GPALPP1: variants seen among roughly 807,000 people sequenced by gnomAD.
GPALPP1 encodes the protein GPALPP motifs-containing protein 1.
GPALPP1 carries 30 observed loss-of-function variants against 38.9 expected under a neutral mutation model. The observed-to-expected ratio is 0.77, with a 90% confidence interval of 0.58 to 1.05. The LOEUF (loss-of-function observed/expected upper bound fraction) is 1.05. Among genes scored for constraint, GPALPP1 ranks in the 50% least tolerant of loss-of-function variants. The pLI, the probability that GPALPP1 is intolerant of heterozygous loss-of-function variation, is 0.00. For missense variants in GPALPP1, 384 were observed against 408.8 expected (o/e 0.94, Z 0.52); for synonymous variants, 120 against 139.2 (o/e 0.86, Z 0.97).
At chr13:45,025,177 T>C (rs1875749186) in intron 7 of GPALPP1, among the ~76,000 whole-genome samples, 1 of 152,188 alleles carries the variant, frequency 6.6e-6, no homozygotes, top group African/African-American at 2.4e-5. Context: ...TTACCATCAA[T>C]TGTGTTTTTT....
intron 6 of GPALPP1, among the ~76,000 whole-genome samples, chr13:45,018,940 TATAA>T (rs1875084295): frequency 1.5e-5 from 2 of 135,990 alleles, no homozygotes; most frequent in Non-Finnish European, 3.0e-5. Flanking sequence ...AATATATACA[TATAA>T]ATATATATAC....
In GPALPP1 at chr13:44,989,853, G is replaced by A; in HGVS notation, c.88+111G>A. 1.0e-5 allele frequency: 8 copies of A among 776,198 alleles called. No homozygotes were observed. In the South Asian group the frequency reaches 1.1e-4, roughly 11 times the overall value. 48.1% of individuals were successfully genotyped at this position (776,198 alleles called of 1,614,324 possible). A position where few individuals can be genotyped will look rare whatever the true frequency, so the allele number is the denominator to read the frequency against. The stretch of plus-strand genomic sequence containing the variant: ...AGGAGGGCGGAGGAGTGGGGAGTGG[G>A]CGCGGCCTGACCCGAGAGAACTTTT... On this transcript the variant is annotated intron_variant, in intron 1 of 7. Transcript: ENST00000379151.
chr13:45,027,888 G>A lies in GPALPP1; in HGVS notation c.908G>A (p.Arg303His), dbSNP rs745895343. The A allele has an allele frequency of 3.2e-5, 52 of 1,603,432 alleles. No individual in the cohort carries two copies. The East Asian group carries it at 1.0e-3, about 31-fold the overall frequency. Residue 303 changes from arginine to histidine, a missense_variant, in exon 8 of 8, where the codon CGT (arginine) becomes CAT (histidine). Transcript: ENST00000379151. Reference sequence around the variant, plus strand: ...CCTCAAGAGAGAATACCATTTGACCGTGATAAAGATCTCAAGGTTAATCGG... The same window carrying A: ...CCTCAAGAGAGAATACCATTTGACCATGATAAAGATCTCAAGGTTAATCGG... ...NKPQERIPFDRDKDLKVNRFD... is the reference protein window; with the variant it reads ...NKPQERIPFDHDKDLKVNRFD...
intron 4 of GPALPP1, among the ~76,000 whole-genome samples, chr13:45,011,518 AAGG>A: frequency 6.6e-6 from 1 of 152,270 alleles, no homozygotes; most frequent in South Asian, 2.1e-4. Context: ...TGGCAGCACC[AAGG>A]AGAAGACTGA....
chr13:45,024,147 CTG>C (rs58048658), intron 7 of GPALPP1, among the ~76,000 whole-genome samples: 553 of 23,334 alleles, frequency 0.024, 29 homozygotes, highest in South Asian at 0.032. Flanking sequence ...CCCTAAAACT[CTG>C]TGTGTGTGTG....
At chr13:45,034,194 A>G (rs1274541748), downstream of GPALPP1, 2 of 152,238 alleles carry the variant, frequency 1.3e-5, no homozygotes, top group Admixed American at 1.3e-4. Flanking sequence ...TAAGAACACA[A>G]TGGTGAACCA....
rs1315312435 is a variant in GPALPP1 at position 45,028,125 on chromosome 13, A to G, written c.*122A>G. ...TTTTATAATAGATTAAAAATTTTAT[A>G]TTTTTATAAGTAAACAGTGATTTTT... On this transcript the variant is annotated 3_prime_UTR_variant, in exon 8 of 8. Transcript: ENST00000379151. 2.1e-6 allele frequency: 1 copy of G among 480,576 alleles called. No homozygotes were observed. The highest frequency in any genetic ancestry group is 3.6e-6 in the Non-Finnish European group (1 of 278,124). 29.8% of individuals were successfully genotyped at this position (480,576 alleles called of 1,614,324 possible).
intron 1 of GPALPP1, among the ~76,000 whole-genome samples, chr13:44,998,095 A>G (rs1441995769): frequency 6.6e-6 from 1 of 152,208 alleles, no homozygotes; most frequent in Non-Finnish European, 1.5e-5. Flanking sequence ...TCATTGAACA[A>G]GTAGATGCCA....
chr13:45,023,693 T>C (rs1875578777), intron 7 of GPALPP1, among the ~76,000 whole-genome samples: 1 of 152,200 alleles, frequency 6.6e-6, no homozygotes, highest in Non-Finnish European at 1.5e-5. Flanking sequence ...CAACTCTTGT[T>C]AGCCTGTCAA....
chr13:45,007,696 T>C (rs777507743), intron 3 of GPALPP1, among the ~76,000 whole-genome samples: 39 of 152,278 alleles, frequency 2.6e-4, no homozygotes, highest in South Asian at 1.0e-3. Context: ...AGTACTGTTA[T>C]TTCCCCTGCC....
At chr13:45,001,952 A>T (rs1474898695) in intron 1 of GPALPP1, 1 of 152,632 alleles carries the variant, frequency 6.6e-6, no homozygotes, top group Non-Finnish European at 1.5e-5. Context: ...AAGTGCTGGG[A>T]TTACAGGCGT....
At chr13:45,006,032 T>A (rs200433793) in intron 2 of GPALPP1, among the ~76,000 whole-genome samples, 170 bp from the exon 3 acceptor site, 82 of 148,020 alleles carry the variant, frequency 5.5e-4, no homozygotes, top group Middle Eastern at 3.4e-3. Context: ...TCTCAAAAAA[T>A]AAAAAAAAAA....
chr13:45,024,147 CTGTGTGTGTGTGTGTGTGTG>C (rs58048658), intron 7 of GPALPP1, among the ~76,000 whole-genome samples: 625 of 23,372 alleles, frequency 0.027, 22 homozygotes, highest in African/African-American at 0.046. Flanking sequence ...CCCTAAAACT[CTGTGTGTGTGTGTGTGTGTG>C]TGTGTGTGTG....
intron 7 of GPALPP1, among the ~76,000 whole-genome samples, chr13:45,025,727 T>C (rs1346533181): frequency 6.6e-6 from 1 of 152,122 alleles, no homozygotes; most frequent in East Asian, 1.9e-4. Context: ...TTTTCTGAAT[T>C]TGGAACTTAA....
chr13:45,035,285 A>T (rs1284149479), downstream of GPALPP1: 1 of 152,256 alleles, frequency 6.6e-6, no homozygotes, highest in Non-Finnish European at 1.5e-5. Flanking sequence ...TAACCAAGTT[A>T]TAAACATGAC....
intron 6 of GPALPP1, among the ~76,000 whole-genome samples, chr13:45,015,845 C>T (rs1874828692): frequency 6.6e-6 from 1 of 152,040 alleles, no homozygotes; most frequent in South Asian, 2.1e-4. Flanking sequence ...GGTATAATGG[C>T]CTTATTTTAT....
At chr13:45,032,726 C>G (rs1398762282), downstream of GPALPP1, among the ~76,000 whole-genome samples, 2 of 144,140 alleles carry the variant, frequency 1.4e-5, no homozygotes, top group African/African-American at 5.0e-5. Flanking sequence ...TTTGTATTAA[C>G]GATTTATTTA....
chr13:45,004,448 T>A lies in GPALPP1; in HGVS notation c.221+11T>A. On this transcript the variant is annotated intron_variant, in intron 2 of 7. Coordinates refer to ENST00000379151, the MANE Select transcript of GPALPP1 (RefSeq NM_018559.5). ...TGGTCCAACTGCAAGGTCAGTCATT[T>A]AATTAAATTAAATGATAGACCAAAC... 2 of 1,599,494 alleles carry A rather than the reference T, an allele frequency of 1.3e-6. No individual in the cohort carries two copies. The highest frequency in any genetic ancestry group is 8.6e-7 in the Non-Finnish European group (1 of 1,167,604).
intron 1 of GPALPP1, 132 bp downstream of exon 1, chr13:44,989,874 C>G: frequency 1.6e-6 from 1 of 644,514 alleles, no homozygotes. Flanking sequence ...CCCGAGAGAA[C>G]TTTTCTCTTC....
Sources: gnomAD v4.1 joint callset for allele counts (sites outside exome capture counted in the v4.1 genomes callset) on GRCh38, gnomAD v4.1.1 for gene constraint, MANE v1.5 for transcripts, NCBI Gene and HGNC (gene_info 2026-07-23, HGNC 2026-07-21) for gene names.